The following ADNP variants were observed in gnomAD, a reference collection of about 807,000 sequenced individuals.
ADNP encodes activity-dependent neuroprotector homeobox protein.
Under a neutral mutation model 84.9 loss-of-function variants are expected in ADNP, and 4 were observed. That is an observed-to-expected ratio of 0.05 (90% CI 0.02 to 0.11). The LOEUF (loss-of-function observed/expected upper bound fraction) is 0.11. ADNP is among the 10% of genes least tolerant of loss of function. The probability of loss-of-function intolerance (pLI) is 1.00; values close to 1 mark genes in which losing one functional copy is unlikely to be tolerated. For missense variants in ADNP, 1,132 were observed against 1,326.0 expected, an observed-to-expected ratio of 0.85 and a Z score of 2.27; for synonymous variants, 554 against 468.1, an observed-to-expected ratio of 1.18 and a Z score of -2.37.
intron 2 of ADNP, among the ~76,000 whole-genome samples, chr20:50,925,820 G>A (rs1383682923): frequency 6.6e-6 from 1 of 152,248 alleles, no homozygotes; most frequent in Non-Finnish European, 1.5e-5. Flanking sequence ...TAGGAGAGGG[G>A]CTGGGAGCGG....
At chr20:50,919,106 T>C (rs958334221) in intron 2 of ADNP, among the ~76,000 whole-genome samples, 7 of 151,940 alleles carry the variant, frequency 4.6e-5, no homozygotes, top group African/African-American at 1.7e-4. Flanking sequence ...CATATTATCT[T>C]TCAGCACGTT....
Position 50,899,506 on chromosome 20 carries a change from G to A in ADNP, c.201+2511C>T, listed in dbSNP as rs535535327. ...GATTATAGGCATGAGCCCAGCGCCCGGCCGGTAATGAGTTTTTAATCATTA... is the reference window on the plus strand; with the variant it reads ...GATTATAGGCATGAGCCCAGCGCCCAGCCGGTAATGAGTTTTTAATCATTA... On this transcript the variant is annotated intron_variant, in intron 5 of 5. Coordinates refer to ENST00000621696, the MANE Select transcript of ADNP (RefSeq NM_001282531.3). Among the ~76,000 whole-genome samples the A allele has an allele frequency of 1.3e-4, 20 of 152,146 alleles. No homozygotes were observed. The South Asian group carries it at 2.1e-3, about 16-fold the overall frequency.
rs2123039501 is a variant in ADNP at position 50,931,000 on chromosome 20, CCGGGGGGCGCGG to C, written c.-451_-440del. On this transcript the variant is annotated 5_prime_UTR_variant, in exon 1 of 6. Transcript: ENST00000621696. The stretch of plus-strand genomic sequence containing the variant: ...GCTCGCGCCGCGGCCGCGGGTGCTG[CCGGGGGGCGCGG>C]CGGGCGCAGCAGAGCGGCGGGCGGC... The C allele has an allele frequency of 6.9e-6, 1 of 144,280 alleles. No individual in the cohort carries two copies. The highest frequency in any genetic ancestry group is 2.1e-4 in the East Asian group (1 of 4,866). The allele number at this position is 144,280 out of a possible 1,614,324, so 8.9% of individuals were successfully genotyped here.
intron 2 of ADNP, among the ~76,000 whole-genome samples, chr20:50,921,041 T>C (rs1363728791): frequency 1.3e-5 from 2 of 152,194 alleles, no homozygotes; most frequent in Non-Finnish European, 2.9e-5. Flanking sequence ...TGTTTTCTTA[T>C]GGCATAAGCA....
chr20:50,913,909 T>C, intron 2 of ADNP: 1 of 647,932 alleles, frequency 1.5e-6, no homozygotes, highest in Non-Finnish European at 2.9e-6. Context: ...TTGTTTCAAC[T>C]TGGAGTGCCA....
intron 2 of ADNP, among the ~76,000 whole-genome samples, chr20:50,919,073 A>G (rs1299109039): frequency 1.3e-5 from 2 of 152,194 alleles, no homozygotes; most frequent in East Asian, 1.9e-4. Flanking sequence ...GCTGGCATTT[A>G]TGTCTACAAA....
chr20:50,913,077 C>A (rs960513121), intron 2 of ADNP, among the ~76,000 whole-genome samples: 5 of 151,306 alleles, frequency 3.3e-5, no homozygotes, highest in Admixed American at 2.6e-4. Context: ...ATGGCGAAAC[C>A]CCATCTCTAC....
At chr20:50,909,761 A>G (rs1982862337) in intron 2 of ADNP, 1 of 152,266 alleles carries the variant, frequency 6.6e-6, no homozygotes, top group Non-Finnish European at 1.5e-5. Flanking sequence ...AGCAGAGTAC[A>G]CATGACTCAG....
rs1291391911 is a variant in ADNP, at chr20:50,904,858, C to CAA, written c.-89-11_-89-10dup. ...CCTACTGCTACGGTATTCTTTAAAA[C>CAA]AAAAACAAAAACAAAAACAAAAACA... On this transcript the variant is annotated splice_polypyrimidine_tract_variant and intron_variant, in intron 2 of 5. Transcript: ENST00000621696. The CAA allele has an allele frequency of 6.6e-6, 1 of 150,570 alleles. No homozygotes were observed. The highest frequency in any genetic ancestry group is 1.5e-5 in the Non-Finnish European group (1 of 67,270). 9.3% of individuals were successfully genotyped at this position (150,570 alleles called of 1,614,324 possible).
At chr20:50,895,664 G>A (rs1337528966) in intron 5 of ADNP, among the ~76,000 whole-genome samples, 1 of 152,052 alleles carries the variant, frequency 6.6e-6, no homozygotes, top group Non-Finnish European at 1.5e-5. Flanking sequence ...TCCCACCTCC[G>A]CCTCAGTCCT....
intron 2 of ADNP, among the ~76,000 whole-genome samples, chr20:50,913,485 A>G (rs1439166813): frequency 6.6e-6 from 1 of 152,176 alleles, no homozygotes; most frequent in Non-Finnish European, 1.5e-5. Flanking sequence ...GTTTAAGAGT[A>G]AGATTTTTGA....
chr20:50,906,971 TTTTTG>T (rs1222225832), intron 2 of ADNP, among the ~76,000 whole-genome samples: 8 of 94,526 alleles, frequency 8.5e-5, no homozygotes, highest in African/African-American at 3.0e-4. Context: ...CAGTTTTTTT[TTTTTG>T]TTTTTTTTTT....
rs1980658268 is a variant in ADNP, at chr20:50,891,156, G to A, written c.*249C>T. On this transcript the variant is annotated 3_prime_UTR_variant, in exon 6 of 6. Transcript: ENST00000621696. ...AAAATAAACCTCTGCTTTTCCTCGTGTGTATTCATGAGTCACCAGCTTATT... is the reference window on the plus strand; with the variant it reads ...AAAATAAACCTCTGCTTTTCCTCGTATGTATTCATGAGTCACCAGCTTATT... 1.6e-6 allele frequency: 2 copies of A among 1,269,470 alleles called. No individual in the cohort carries two copies. The highest frequency in any genetic ancestry group is 3.1e-5 in the African/African-American group (2 of 65,122). The allele number at this position is 1,269,470 out of a possible 1,614,324, so 78.6% of individuals were successfully genotyped here. A position where few individuals can be genotyped will look rare whatever the true frequency, so the allele number is the denominator to read the frequency against.
At chr20:50,925,806 A>G (rs1317304183) in intron 2 of ADNP, among the ~76,000 whole-genome samples, 1 of 152,252 alleles carries the variant, frequency 6.6e-6, no homozygotes, top group East Asian at 1.9e-4. Flanking sequence ...AGCTCTTACA[A>G]AACTAGGAGA....
At chr20:50,922,110 G>A (rs1404248568) in intron 2 of ADNP, among the ~76,000 whole-genome samples, 2 of 152,140 alleles carry the variant, frequency 1.3e-5, no homozygotes, top group East Asian at 3.9e-4. Context: ...GTGCTTTAGG[G>A]GAAAACTCTC....
chr20:50,906,963 GT>G (rs751919326), intron 2 of ADNP, among the ~76,000 whole-genome samples: 26 of 119,200 alleles, frequency 2.2e-4, no homozygotes, highest in East Asian at 1.5e-3. Flanking sequence ...CAGGGTTCCA[GT>G]TTTTTTTTTT....
Position 50,892,943 on chromosome 20 carries a change from G to C in ADNP, c.1771C>G (p.Pro591Ala), listed in dbSNP as rs771870178. 7 of 1,614,068 alleles carry C rather than the reference G, an allele frequency of 4.3e-6. No homozygotes were observed. The highest frequency in any genetic ancestry group is 1.7e-5 in the Admixed American group (1 of 60,000). Reference protein sequence around the residue: ...YHAQNNPPVPPKPQPKVQEKA... With the variant: ...YHAQNNPPVPAKPQPKVQEKA... ...TCCTGAACCTTTGGCTGTGGCTTTG[G>C]AGGAACTGGAGGATTATTTTGGGCA... The change falls in exon 6 of 6, where the codon CCA becomes GCA. Residue 591 changes from proline to alanine, a missense_variant. This residue lies in a region of ADNP where 53 missense variants were observed against 39.8 expected (regional missense o/e 1.33). Coordinates refer to ENST00000621696, the MANE Select transcript of ADNP (RefSeq NM_001282531.3).
intron 2 of ADNP, among the ~76,000 whole-genome samples, chr20:50,923,276 G>C (rs1251055484): frequency 6.6e-6 from 1 of 152,106 alleles, no homozygotes; most frequent in Non-Finnish European, 1.5e-5. Flanking sequence ...ACATTTTTAT[G>C]CTCTACCGAA....
At chr20:50,918,166 C>CT (rs11484137) in intron 2 of ADNP, among the ~76,000 whole-genome samples, 5,080 of 151,350 alleles carry the variant, frequency 0.034, 160 homozygotes, top group African/African-American at 0.077. Flanking sequence ...TAAACACATT[C>CT]TTTTTTTTTA....
Sources: gnomAD v4.1 joint callset for allele counts (sites outside exome capture counted in the v4.1 genomes callset) on GRCh38, gnomAD v4.1.1 for gene constraint, gnomAD v4.1.1 regional missense constraint, MANE v1.5 for transcripts, NCBI Gene and HGNC (gene_info 2026-07-23, HGNC 2026-07-21) for gene names.